Variants in AGMO observed in about 807,000 individuals in gnomAD.
AGMO encodes alkylglycerol monooxygenase.
AGMO carries 75 observed loss-of-function variants against 60.2 expected under a neutral mutation model. That is an observed-to-expected ratio of 1.25 (90% CI 1.03 to 1.51). AGMO has a LOEUF of 1.51. Ranked by LOEUF, AGMO falls within the 40% of genes most tolerant of loss-of-function variation. AGMO has a pLI of 0.00. For missense variants in AGMO, 763 were observed against 525.5 expected (o/e 1.45, Z -4.42); for synonymous variants, 261 against 177.1 (o/e 1.47, Z -3.76).
chr7:15,328,155 T>C (rs1000172958), intron 12 of AGMO, among the ~76,000 whole-genome samples: 1 of 151,968 alleles, frequency 6.6e-6, no homozygotes, highest in Admixed American at 6.6e-5. Flanking sequence ...TGGAGTACAA[T>C]GGCACAATTT....
chr7:15,382,567 A>G (rs1420488886), intron 10 of AGMO, among the ~76,000 whole-genome samples: 1 of 152,198 alleles, frequency 6.6e-6, no homozygotes, highest in East Asian at 1.9e-4. Flanking sequence ...AAGATGCTGT[A>G]GAAGTATTGA....
intron 12 of AGMO, among the ~76,000 whole-genome samples, chr7:15,229,728 A>ATG (rs1782200822): frequency 1.3e-5 from 1 of 74,172 alleles, no homozygotes; most frequent in South Asian, 4.5e-4. Flanking sequence ...TTATATATAA[A>ATG]TTATATATTA....
intron 12 of AGMO, among the ~76,000 whole-genome samples, chr7:15,235,944 T>C (rs1302353915): frequency 6.6e-6 from 1 of 152,288 alleles, no homozygotes; most frequent in Admixed American, 6.5e-5. Context: ...CTTATTCTTC[T>C]CTGCCCTTTG....
intron 12 of AGMO, among the ~76,000 whole-genome samples, chr7:15,294,416 A>G (rs1436701288): frequency 6.6e-6 from 1 of 152,022 alleles, no homozygotes. Flanking sequence ...AAATTGGTCA[A>G]TAAATTGCAG....
chr7:15,425,184 A>C (rs1781028164), intron 4 of AGMO, among the ~76,000 whole-genome samples: 1 of 152,192 alleles, frequency 6.6e-6, no homozygotes. Flanking sequence ...AGACTCAAAC[A>C]TTAATTGATC....
the AGMO span, among the ~76,000 whole-genome samples, chr7:15,144,356 A>C: frequency 6.6e-6 from 1 of 152,244 alleles, no homozygotes; most frequent in Non-Finnish European, 1.5e-5. Flanking sequence ...AATTACTTAA[A>C]TATTAGAATA....
intron 12 of AGMO, among the ~76,000 whole-genome samples, chr7:15,207,717 G>A (rs1043062036): frequency 7.9e-5 from 12 of 152,104 alleles, no homozygotes. Context: ...GGCAGATCAC[G>A]AGGTCAGGAG....
intron 12 of AGMO, among the ~76,000 whole-genome samples, chr7:15,271,351 G>A (rs1011260520): frequency 2.1e-4 from 32 of 152,040 alleles, no homozygotes; most frequent in African/African-American, 7.2e-4. Context: ...TTTCTTCAGT[G>A]TTTTGTAGTT....
intron 12 of AGMO, among the ~76,000 whole-genome samples, chr7:15,344,495 T>C (rs1036633895): frequency 6.6e-6 from 1 of 151,192 alleles, no homozygotes; most frequent in Admixed American, 6.6e-5. Context: ...AGATCAGGAG[T>C]TCAAGATAAG....
At chr7:15,288,154 G>A (rs1784153530) in intron 12 of AGMO, among the ~76,000 whole-genome samples, 1 of 151,912 alleles carries the variant, frequency 6.6e-6, no homozygotes, top group Non-Finnish European at 1.5e-5. Flanking sequence ...CTCCTGAGTA[G>A]CTAGGACCAC....
At chr7:15,475,510 G>A (rs1454678961) in intron 3 of AGMO, among the ~76,000 whole-genome samples, 1 of 151,984 alleles carries the variant, frequency 6.6e-6, no homozygotes, top group Non-Finnish European at 1.5e-5. Flanking sequence ...ATGGATGCAG[G>A]GAGGGGAACA....
At chr7:15,310,427 CT>C (rs1167465099) in intron 12 of AGMO, among the ~76,000 whole-genome samples, 1 of 151,974 alleles carries the variant, frequency 6.6e-6, no homozygotes, top group Non-Finnish European at 1.5e-5. Context: ...AAAATTTTGT[CT>C]TTTAGCTTTA....
At chr7:15,381,154 G>C (rs987334132) in intron 10 of AGMO, among the ~76,000 whole-genome samples, 1 of 152,056 alleles carries the variant, frequency 6.6e-6, no homozygotes, top group Non-Finnish European at 1.5e-5. Context: ...AAAAACAATT[G>C]CAACAAAACC....
chr7:15,327,736 CTTTCTTT>C lies in AGMO; in HGVS notation c.1263+37771_1263+37777del, dbSNP rs1432391650. Among the ~76,000 whole-genome samples the C allele has an allele frequency of 2.3e-3, 260 of 111,078 alleles. 1 individual carries two copies. The Middle Eastern group carries it at 0.034, about 14-fold the overall frequency. The allele number at this position is 111,078 out of a possible 152,430, so 72.9% of individuals were successfully genotyped here. A position where few individuals can be genotyped will look rare whatever the true frequency, so the allele number is the denominator to read the frequency against. On this transcript the variant is annotated intron_variant, in intron 12 of 12. Transcript: ENST00000342526. ...TCATGAAAAAATGATAAACTGATTT[CTTTCTTT>C]TTTTTTTTTTTTTTTTTTTTTTGAG... is the stretch of plus-strand genomic sequence containing the variant.
intron 3 of AGMO, among the ~76,000 whole-genome samples, chr7:15,437,666 C>CTGG (rs887122268): frequency 4.6e-5 from 7 of 151,886 alleles, no homozygotes; most frequent in African/African-American, 1.7e-4. Context: ...TCCCAAGTAG[C>CTGG]TGGGATTACA....
chr7:15,360,067 G>A (rs1255634534), intron 12 of AGMO, among the ~76,000 whole-genome samples: 1 of 152,110 alleles, frequency 6.6e-6, no homozygotes. Context: ...ACAACATACT[G>A]CACGCACATT....
At chr7:15,247,680 TAAC>T (rs1414259207) in intron 12 of AGMO, among the ~76,000 whole-genome samples, 1 of 152,150 alleles carries the variant, frequency 6.6e-6, no homozygotes, top group Non-Finnish European at 1.5e-5. Context: ...TGAAAACTAA[TAAC>T]AAAATATTTT....
chr7:15,304,378 T>C (rs1008856796), intron 12 of AGMO, among the ~76,000 whole-genome samples: 1 of 152,092 alleles, frequency 6.6e-6, no homozygotes, highest in African/African-American at 2.4e-5. Flanking sequence ...AAGGGAAGAA[T>C]TGGATTGAAA....
intron 2 of AGMO, among the ~76,000 whole-genome samples, chr7:15,552,646 G>A (rs1198447662): frequency 6.8e-6 from 1 of 147,882 alleles, no homozygotes; most frequent in African/African-American, 2.5e-5. Context: ...AGTTAGAATG[G>A]CAATCATTAA....
Sources: allele counts gnomAD v4.1 joint callset (sites outside exome capture counted in the v4.1 genomes callset), GRCh38; gene constraint gnomAD v4.1.1; transcripts MANE v1.5; gene names NCBI Gene and HGNC (gene_info 2026-07-23, HGNC 2026-07-21).